The following NPSR1 variants were observed in gnomAD, a reference collection of about 807,000 sequenced individuals.
NPSR1 encodes neuropeptide S receptor 1, also known as neuropeptide S receptor.
In NPSR1, 48 loss-of-function variants were observed where a neutral mutation model predicts 46.9. That is an observed-to-expected ratio of 1.02 (90% CI 0.81 to 1.30). The LOEUF is 1.30. Among genes scored for constraint, NPSR1 ranks in the 50% most tolerant of loss-of-function variants. The probability of loss-of-function intolerance (pLI) is 0.00; values close to 1 mark genes in which losing one functional copy is unlikely to be tolerated. For missense variants in NPSR1, 450 were observed against 449.5 expected (o/e 1.00, Z -0.01); for synonymous variants, 176 against 168.1 (o/e 1.05, Z -0.36).
chr7:34,693,709 C>T (rs552783867), intron 2 of NPSR1, among the ~76,000 whole-genome samples: 1 of 152,262 alleles, frequency 6.6e-6, no homozygotes, highest in Admixed American at 6.5e-5. Flanking sequence ...AAACCCACTA[C>T]AGGCCAATAA....
chr7:34,683,443 T>TAA (rs1583800638), intron 1 of NPSR1, among the ~76,000 whole-genome samples: 1 of 124,774 alleles, frequency 8.0e-6, no homozygotes. Flanking sequence ...TGAGACTCTG[T>TAA]CACAAAAAAA....
intron 2 of NPSR1, chr7:34,723,433 T>G (rs1783967333): frequency 6.6e-6 from 1 of 152,414 alleles, no homozygotes; most frequent in African/African-American, 2.4e-5. Flanking sequence ...TGACAGGATC[T>G]CCCTGAGGAC....
At chr7:34,849,313 T>C (rs1790855836) in intron 8 of NPSR1, 1 of 1,531,682 alleles carries the variant, frequency 6.5e-7, no homozygotes, top group Non-Finnish European at 8.9e-7. Flanking sequence ...CTTCTTCATC[T>C]GTAAAACAGG....
intron 8 of NPSR1, among the ~76,000 whole-genome samples, chr7:34,859,876 C>T (rs1393569596): frequency 6.6e-6 from 1 of 151,618 alleles, no homozygotes; most frequent in African/African-American, 2.4e-5. Context: ...AGGAGCATCC[C>T]CGGGGGTCAG....
chr7:34,724,005 A>G (rs1562679626), intron 2 of NPSR1, among the ~76,000 whole-genome samples: 1 of 152,192 alleles, frequency 6.6e-6, no homozygotes. Context: ...AAACCCATCT[A>G]TCTTCCACAC....
At chr7:34,667,526 A>G (rs1188786635) in intron 1 of NPSR1, among the ~76,000 whole-genome samples, 1 of 151,938 alleles carries the variant, frequency 6.6e-6, no homozygotes, top group African/African-American at 2.4e-5. Flanking sequence ...CCGCCTTTCC[A>G]CTTACTCAGA....
intron 2 of NPSR1, among the ~76,000 whole-genome samples, chr7:34,717,157 A>G (rs899449255): frequency 6.6e-6 from 1 of 152,224 alleles, no homozygotes; most frequent in Non-Finnish European, 1.5e-5. Flanking sequence ...TTTGAGACAG[A>G]GTTTCGCTCT....
At chr7:34,814,097 G>C (rs945349106) in intron 4 of NPSR1, among the ~76,000 whole-genome samples, 14 of 152,238 alleles carry the variant, frequency 9.2e-5, no homozygotes, top group African/African-American at 3.1e-4. Flanking sequence ...AGCCAAAGCA[G>C]GGCAGGGCAT....
At chr7:34,750,915 A>C (rs1221841495) in intron 2 of NPSR1, 3 of 736,084 alleles carry the variant, frequency 4.1e-6, no homozygotes, top group Non-Finnish European at 7.6e-6. Context: ...CACTTCCTCC[A>C]CCCCCAGCTC....
intron 2 of NPSR1, among the ~76,000 whole-genome samples, chr7:34,712,252 T>C (rs1246838416): frequency 6.6e-6 from 1 of 152,220 alleles, no homozygotes; most frequent in South Asian, 2.1e-4. Context: ...ACTTACATAA[T>C]ATTAATTTAA....
intron 3 of NPSR1, among the ~76,000 whole-genome samples, chr7:34,804,565 C>G (rs916048103): frequency 6.6e-6 from 1 of 152,014 alleles, no homozygotes; most frequent in African/African-American, 2.4e-5. Context: ...TACAGTTAAC[C>G]TCATATTTAA....
intron 8 of NPSR1, among the ~76,000 whole-genome samples, chr7:34,864,729 A>G (rs1791269689): frequency 6.6e-6 from 1 of 151,856 alleles, no homozygotes; most frequent in South Asian, 2.1e-4. Flanking sequence ...AACAGATTAT[A>G]AAATAAAACA....
At chr7:34,709,239 A>G (rs1794264653) in intron 2 of NPSR1, among the ~76,000 whole-genome samples, 1 of 152,180 alleles carries the variant, frequency 6.6e-6, no homozygotes, top group South Asian at 2.1e-4. Flanking sequence ...AAATACAGCT[A>G]CCACAACTTG....
intron 2 of NPSR1, among the ~76,000 whole-genome samples, chr7:34,727,817 T>G (rs1437344081): frequency 6.6e-6 from 1 of 152,210 alleles, no homozygotes; most frequent in Non-Finnish European, 1.5e-5. Context: ...TAAAGTGCCC[T>G]TTCTTCCACT....
intron 2 of NPSR1, among the ~76,000 whole-genome samples, chr7:34,748,142 G>A (rs1304507607): frequency 1.3e-5 from 2 of 152,210 alleles, no homozygotes; most frequent in Non-Finnish European, 2.9e-5. Flanking sequence ...ATAGGCATCA[G>A]TTAGACCCTG....
Position 34,778,479 on chromosome 7 carries a change from G to A in NPSR1, c.298G>A (p.Val100Ile). The A allele has an allele frequency of 1.2e-6, 2 of 1,604,906 alleles. No homozygotes were observed. The highest frequency in any genetic ancestry group is 1.7e-6 in the Non-Finnish European group (2 of 1,172,448). The change falls in exon 3 of 9, where the codon GTC becomes ATC. Residue 100 changes from valine (V) to isoleucine (I), a missense_variant. Val to Ile is a conservative substitution (Grantham distance 29, BLOSUM62 3). Transcript: ENST00000360581. ...LAITDSFTGL[V>I]NILTDINWRF... ...TTTGTTAGATTCTTTCACAGGACTG[G>A]TCAACATCTTGACAGATATTAATTG... is the stretch of plus-strand genomic sequence containing the variant.
At chr7:34,709,256 T>A (rs1045731698) in intron 2 of NPSR1, among the ~76,000 whole-genome samples, 28 of 152,204 alleles carry the variant, frequency 1.8e-4, no homozygotes, top group Admixed American at 6.5e-4. Context: ...CTTGGTCCTG[T>A]GCAACTGTGC....
At chr7:34,853,967 G>GAA (rs35728366), downstream of NPSR1, among the ~76,000 whole-genome samples, 1,039 of 140,996 alleles carry the variant, frequency 7.4e-3, 1 homozygote, top group Non-Finnish European at 0.011. Context: ...ACTCTGCCTG[G>GAA]AAAAAAAAAA....
intron 2 of NPSR1, among the ~76,000 whole-genome samples, chr7:34,730,319 A>T (rs1333650790): frequency 1.3e-5 from 2 of 152,174 alleles, no homozygotes; most frequent in South Asian, 2.1e-4. Flanking sequence ...TTCTGAACAC[A>T]CTTAACTCTG....
Sources: gnomAD v4.1 joint callset for allele counts (sites outside exome capture counted in the v4.1 genomes callset) on GRCh38, gnomAD v4.1.1 for gene constraint, MANE v1.5 for transcripts, NCBI Gene and HGNC (gene_info 2026-07-23, HGNC 2026-07-21) for gene names.